Variants in GALNT17 observed in about 807,000 individuals in gnomAD.
GALNT17 encodes the protein polypeptide N-acetylgalactosaminyltransferase 17, also known as UDP-GalNAc:polypeptide N-acetylgalactosaminyltransferase-like 3.
A neutral mutation model predicts 63.7 loss-of-function variants in GALNT17; 29 were observed. That is an observed-to-expected ratio of 0.46 (90% confidence interval 0.34 to 0.62). The LOEUF (loss-of-function observed/expected upper bound fraction) is 0.62, where lower values mean the gene tolerates loss of function less well. Ranked by LOEUF, GALNT17 falls within the 20% of genes least tolerant of loss-of-function variation. The probability of loss-of-function intolerance (pLI) is 0.01; values close to 1 mark genes in which losing one functional copy is unlikely to be tolerated. For missense variants in GALNT17, 603 were observed against 799.6 expected (o/e 0.75, Z 2.97); for synonymous variants, 305 against 318.3 (o/e 0.96, Z 0.45).
intron 9 of GALNT17, among the ~76,000 whole-genome samples, chr7:71,686,481 A>G (rs1306713559): frequency 1.3e-5 from 2 of 152,070 alleles, no homozygotes; most frequent in East Asian, 3.9e-4. Context: ...CCTGGGCTCA[A>G]GCAATCCTGC....
intron 1 of GALNT17, among the ~76,000 whole-genome samples, chr7:71,233,004 TCAA>T (rs1051961179): frequency 3.3e-5 from 5 of 152,074 alleles, no homozygotes; most frequent in Non-Finnish European, 7.4e-5. Context: ...TTTAATCCTC[TCAA>T]CAACCCTGTG....
chr7:71,482,075 A>G (rs1001726812), intron 5 of GALNT17, among the ~76,000 whole-genome samples: 22 of 40,534 alleles, frequency 5.4e-4, no homozygotes, highest in African/African-American at 1.2e-3. Context: ...GTATACATAT[A>G]TGTATATGTG....
chr7:71,596,221 G>A (rs942392013), intron 6 of GALNT17, among the ~76,000 whole-genome samples: 2 of 152,082 alleles, frequency 1.3e-5, no homozygotes, highest in African/African-American at 4.8e-5. Context: ...TGCATTTTTA[G>A]TAGAGACGGG....
intron 6 of GALNT17, among the ~76,000 whole-genome samples, chr7:71,596,476 G>C (rs1317583523): frequency 2.0e-5 from 3 of 152,192 alleles, no homozygotes; most frequent in Non-Finnish European, 2.9e-5. Context: ...CAAAGACAGA[G>C]GATGGAATCT....
intron 5 of GALNT17, among the ~76,000 whole-genome samples, chr7:71,552,472 A>G (rs1309952996): frequency 1.5e-5 from 2 of 136,814 alleles, no homozygotes; most frequent in Non-Finnish European, 3.1e-5. Flanking sequence ...ATGGAGTCTC[A>G]CTCTGTTGCC....
Position 71,617,616 on chromosome 7 carries a change from TTTTGTTTGTTTGTTTG to T in GALNT17, c.1080+46242_1080+46257del, listed in dbSNP as rs199901403. 2.2e-3 allele frequency among the ~76,000 whole-genome samples: 325 copies of T among 146,614 alleles called. No homozygotes were observed. In the South Asian group the frequency reaches 0.033, roughly 15 times the overall value. On this transcript the variant is annotated intron_variant, in intron 6 of 10. Coordinates refer to ENST00000333538, the MANE Select transcript of GALNT17 (RefSeq NM_022479.3). ...TTTACAGGCATGAGCAACTGGCTGC[TTTTGTTTGTTTGTTTG>T]TTTGTTTGTTTGTTTGTTTGTTTGT...
chr7:71,549,226 C>T (rs1207980734), intron 5 of GALNT17, among the ~76,000 whole-genome samples: 1 of 152,078 alleles, frequency 6.6e-6, no homozygotes, highest in Non-Finnish European at 1.5e-5. Flanking sequence ...GCTTTTAGAC[C>T]TATATGGCTT....
intron 5 of GALNT17, among the ~76,000 whole-genome samples, chr7:71,514,924 C>A (rs1393950461): frequency 6.6e-6 from 1 of 152,138 alleles, no homozygotes; most frequent in African/African-American, 2.4e-5. Context: ...ATCATGGAGG[C>A]AGTTTCTCCC....
At chr7:71,236,459 G>A (rs1185250621) in intron 1 of GALNT17, among the ~76,000 whole-genome samples, 1 of 152,126 alleles carries the variant, frequency 6.6e-6, no homozygotes, top group Non-Finnish European at 1.5e-5. Flanking sequence ...TCCTGCTTAG[G>A]GCGTTTTTCT....
chr7:71,647,525 A>C (rs3973922), intron 6 of GALNT17, among the ~76,000 whole-genome samples: 110,647 of 151,972 alleles, frequency 0.73, 40,433 homozygotes, highest in Middle Eastern at 0.84. Context: ...AGCCCCAGTG[A>C]CCCTAACTAC....
At chr7:71,268,443 G>T (rs1297943002) in intron 1 of GALNT17, among the ~76,000 whole-genome samples, 1 of 151,604 alleles carries the variant, frequency 6.6e-6, no homozygotes, top group Non-Finnish European at 1.5e-5. Context: ...CCCATCCACT[G>T]GGGAGGCTGA....
At chr7:71,314,699 G>T (rs2115962700) in intron 1 of GALNT17, among the ~76,000 whole-genome samples, 2 of 152,270 alleles carry the variant, frequency 1.3e-5, no homozygotes, top group Middle Eastern at 3.4e-3. Flanking sequence ...CCAGGAGTTT[G>T]CAACCAGCCT....
chr7:71,194,024 T>G (rs1039204394), intron 1 of GALNT17, among the ~76,000 whole-genome samples: 6 of 152,162 alleles, frequency 3.9e-5, no homozygotes, highest in African/African-American at 1.4e-4. Flanking sequence ...AAGTAGGTGG[T>G]CTCTAACCAA....
At chr7:71,144,251 G>C (rs1209210030) in intron 1 of GALNT17, among the ~76,000 whole-genome samples, 1 of 151,934 alleles carries the variant, frequency 6.6e-6, no homozygotes, top group African/African-American at 2.4e-5. Flanking sequence ...TCAGCTCCTC[G>C]AGTATCCTTA....
intron 2 of GALNT17, among the ~76,000 whole-genome samples, chr7:71,381,559 A>C (rs577552140): frequency 1.5e-3 from 224 of 151,976 alleles, no homozygotes; most frequent in Middle Eastern, 3.4e-3. Context: ...CGGGCGGATC[A>C]CCTGAGGTCA....
At chr7:71,357,114 G>A (rs1445586530) in intron 2 of GALNT17, among the ~76,000 whole-genome samples, 1 of 151,984 alleles carries the variant, frequency 6.6e-6, no homozygotes, top group Admixed American at 6.6e-5. Context: ...GTGTGTTTGC[G>A]ATAGGGAATA....
At position 71,377,114 on chromosome 7, in the gene GALNT17, A is replaced by AAAAAAATATATATATAT; in HGVS notation, c.423-11120_423-11119insAAAAATATATATATATA. Reference sequence around the variant, plus strand: ...AAAAAAAAAAAATAAAAATAAAAAAAATATATATATATATATATATATATA... The same window carrying AAAAAAATATATATATAT: ...AAAAAAAAAAAATAAAAATAAAAAAAAAAAAATATATATATATATATATATATATATATATATATATA... On this transcript the variant is annotated intron_variant, in intron 2 of 10. Transcript: ENST00000333538. Among the ~76,000 whole-genome samples the AAAAAAATATATATATAT allele has an allele frequency of 1.7e-4, 10 of 57,466 alleles. 1 individual carries two copies. The highest frequency in any genetic ancestry group is 2.1e-4 in the Non-Finnish European group (7 of 33,274). 37.7% of individuals were successfully genotyped at this position (57,466 alleles called of 152,430 possible). A position where few individuals can be genotyped will look rare whatever the true frequency, so the allele number is the denominator to read the frequency against.
At chr7:71,638,696 T>A (rs890272265) in intron 6 of GALNT17, among the ~76,000 whole-genome samples, 1 of 152,158 alleles carries the variant, frequency 6.6e-6, no homozygotes, top group African/African-American at 2.4e-5. Context: ...GACAGGTCTT[T>A]TGGTATTCTG....
At chr7:71,524,882 T>C (rs1402108391) in intron 5 of GALNT17, among the ~76,000 whole-genome samples, 2 of 152,198 alleles carry the variant, frequency 1.3e-5, no homozygotes, top group Non-Finnish European at 2.9e-5. Context: ...CATTGTAGCA[T>C]AGAAGCCTGA....
Sources: gnomAD v4.1 joint callset for allele counts (sites outside exome capture counted in the v4.1 genomes callset) on GRCh38, gnomAD v4.1.1 for gene constraint, MANE v1.5 for transcripts, NCBI Gene and HGNC (gene_info 2026-07-23, HGNC 2026-07-21) for gene names.